NPAS3: variants seen among roughly 807,000 people sequenced by gnomAD.
NPAS3 encodes the protein neuronal PAS domain-containing protein 3.
A neutral mutation model predicts 73.1 loss-of-function variants in NPAS3; 14 were observed. That is an observed-to-expected ratio of 0.19 (90% CI 0.13 to 0.30). The LOEUF (loss-of-function observed/expected upper bound fraction) is 0.30, where lower values mean the gene tolerates loss of function less well. NPAS3 is among the 10% of genes least tolerant of loss of function. The pLI is 1.00. For missense variants in NPAS3, 1,096 were observed against 1,250.0 expected, an observed-to-expected ratio of 0.88 and a Z score of 1.86; for synonymous variants, 620 against 541.5, an observed-to-expected ratio of 1.14 and a Z score of -2.01.
chr14:33,603,234 T>C (rs1225320159), intron 5 of NPAS3, among the ~76,000 whole-genome samples: 1 of 152,142 alleles, frequency 6.6e-6, no homozygotes, highest in African/African-American at 2.4e-5. Context: ...AACAGTGAAT[T>C]AGACATTGCA....
intron 4 of NPAS3, among the ~76,000 whole-genome samples, chr14:33,447,781 G>A (rs1389785318): frequency 6.6e-6 from 1 of 152,106 alleles, no homozygotes; most frequent in Non-Finnish European, 1.5e-5. Flanking sequence ...CAGGCATAGT[G>A]GCACACACCT....
In NPAS3 at chr14:33,800,467, C is replaced by T. The variant is rs768819004; in HGVS notation, c.2160C>T (p.Gly720=). 1.3e-6 allele frequency: 2 copies of T among 1,495,366 alleles called. No individual in the cohort carries two copies. Among genetic ancestry groups the T allele is most frequent in the South Asian group, 2.6e-5 (2 of 77,468 alleles). The allele number at this position is 1,495,366 out of a possible 1,614,324, so 92.6% of individuals were successfully genotyped here. A position where few individuals can be genotyped will look rare whatever the true frequency, so the allele number is the denominator to read the frequency against. The change falls in exon 12 of 12, where the codon GGC becomes GGT. Residue 720 remains glycine (G), a synonymous_variant. Transcript: ENST00000356141. The surrounding 1 kb of genome is among the most constrained non-coding windows in gnomAD (Gnocchi z 6.5). ...CCGACTCGGTCCTCACCCCGCCCGG[C>T]GCCGACGGCGCGGCCGCCCGCAAGA...
chr14:33,463,269 C>T (rs1046905971), intron 4 of NPAS3, among the ~76,000 whole-genome samples: 31 of 152,134 alleles, frequency 2.0e-4, no homozygotes, highest in African/African-American at 7.2e-4. Flanking sequence ...ATCATCCAAC[C>T]AGTGATATTT....
At chr14:33,483,805 C>A (rs2051446525) in intron 4 of NPAS3, among the ~76,000 whole-genome samples, 1 of 152,196 alleles carries the variant, frequency 6.6e-6, no homozygotes, top group Non-Finnish European at 1.5e-5. Flanking sequence ...CTCCTTTTCT[C>A]CACCCAAAGT....
intron 4 of NPAS3, among the ~76,000 whole-genome samples, chr14:33,376,668 A>G (rs971266863): frequency 2.6e-5 from 4 of 152,164 alleles, no homozygotes; most frequent in African/African-American, 9.7e-5. Context: ...AGAGTATATG[A>G]CAGATTCATT....
At chr14:33,280,169 C>G (rs551230087) in intron 3 of NPAS3, among the ~76,000 whole-genome samples, 49 of 152,214 alleles carry the variant, frequency 3.2e-4, no homozygotes, top group African/African-American at 1.2e-3. Context: ...GGGACCAGTA[C>G]CTGTTTTCAC....
intron 4 of NPAS3, among the ~76,000 whole-genome samples, chr14:33,436,406 G>T (rs915048851): frequency 2.6e-5 from 4 of 152,270 alleles, no homozygotes; most frequent in Non-Finnish European, 4.4e-5. Context: ...ACCTTTTGAC[G>T]TTAATATTTT....
chr14:33,375,998 A>AT (rs2046296923), intron 4 of NPAS3, among the ~76,000 whole-genome samples: 1 of 152,178 alleles, frequency 6.6e-6, no homozygotes, highest in Admixed American at 6.6e-5. Context: ...TTTCATACTT[A>AT]CGGAATTGGT....
intron 4 of NPAS3, among the ~76,000 whole-genome samples, chr14:33,461,782 T>C (rs1280813263): frequency 4.6e-5 from 7 of 152,254 alleles, no homozygotes; most frequent in Non-Finnish European, 1.5e-5. Flanking sequence ...CATAGCTTAG[T>C]GCAGGCTTAA....
chr14:33,602,928 A>G (rs1044534539), intron 5 of NPAS3, among the ~76,000 whole-genome samples: 1 of 152,188 alleles, frequency 6.6e-6, no homozygotes, highest in Non-Finnish European at 1.5e-5. Flanking sequence ...AACAAATCTC[A>G]GTGATATTTC....
chr14:33,308,105 G>T (rs1156944498), intron 3 of NPAS3, among the ~76,000 whole-genome samples: 1 of 152,116 alleles, frequency 6.6e-6, no homozygotes, highest in Admixed American at 6.6e-5. Context: ...AGAATGGGGG[G>T]TATCTGAATA....
At chr14:33,404,636 T>G (rs138432315) in intron 4 of NPAS3, among the ~76,000 whole-genome samples, 76 of 152,236 alleles carry the variant, frequency 5.0e-4, no homozygotes, top group African/African-American at 1.8e-3. Context: ...ATGACCTGTT[T>G]TACACTCCTT....
intron 5 of NPAS3, 34 bp from the exon 6 acceptor site, chr14:33,676,177 G>A (rs2059759087): frequency 1.2e-6 from 2 of 1,609,030 alleles, no homozygotes; most frequent in Non-Finnish European, 1.7e-6. Flanking sequence ...CCTATATAAT[G>A]TCTTTCCTTC....
intron 5 of NPAS3, among the ~76,000 whole-genome samples, chr14:33,638,102 G>C (rs1013461661): frequency 2.0e-5 from 3 of 152,190 alleles, no homozygotes; most frequent in African/African-American, 7.2e-5. Flanking sequence ...TGGTGACATG[G>C]TCTATCAAAG....
At chr14:33,479,937 A>T (rs1030425225) in intron 4 of NPAS3, among the ~76,000 whole-genome samples, 1 of 152,142 alleles carries the variant, frequency 6.6e-6, no homozygotes, top group African/African-American at 2.4e-5. Context: ...TATGGGAAAG[A>T]CATTTCCAAC....
At chr14:33,538,421 A>G (rs2054354233) in intron 4 of NPAS3, among the ~76,000 whole-genome samples, 1 of 152,032 alleles carries the variant, frequency 6.6e-6, no homozygotes, top group Non-Finnish European at 1.5e-5. Flanking sequence ...ACATAATAAA[A>G]CTCCGATATC....
At chr14:33,261,837 GT>G (rs908421038) in intron 3 of NPAS3, among the ~76,000 whole-genome samples, 10 of 152,244 alleles carry the variant, frequency 6.6e-5, no homozygotes, top group Non-Finnish European at 1.5e-4. Flanking sequence ...GGAAATAGAG[GT>G]GGTATCTATC....
intron 3 of NPAS3, among the ~76,000 whole-genome samples, chr14:33,272,990 C>A (rs1454212282): frequency 2.0e-5 from 3 of 152,178 alleles, no homozygotes; most frequent in Non-Finnish European, 4.4e-5. Flanking sequence ...CACTTTCTCG[C>A]CAATTAAATT....
intron 5 of NPAS3, among the ~76,000 whole-genome samples, chr14:33,592,922 G>C (rs1427478888): frequency 6.6e-6 from 1 of 152,058 alleles, no homozygotes; most frequent in African/African-American, 2.4e-5. Flanking sequence ...AACTCACTCA[G>C]TGCTGTGAAA....
Sources: gnomAD v4.1 joint callset for allele counts (sites outside exome capture counted in the v4.1 genomes callset) on GRCh38, gnomAD v4.1.1 for gene constraint, Gnocchi (gnomAD v3.1) non-coding constraint, MANE v1.5 for transcripts, NCBI Gene and HGNC (gene_info 2026-07-23, HGNC 2026-07-21) for gene names.